Variants in POLE observed in about 807,000 individuals in gnomAD.
The protein encoded by POLE is DNA polymerase epsilon, catalytic subunit.
A neutral mutation model predicts 279.2 loss-of-function variants in POLE; 188 were observed. The observed-to-expected ratio is 0.67, with a 90% CI of 0.60 to 0.76. The LOEUF is 0.76. Among genes scored for constraint, POLE ranks in the 30% least tolerant of loss-of-function variants. POLE has a pLI of 0.00. For missense variants in POLE, 2,703 were observed against 3,016.7 expected (o/e 0.90, Z 2.44); for synonymous variants, 1,214 against 1,172.5 (o/e 1.04, Z -0.72).
Position 132,649,001 on chromosome 12 carries a change from C to T in POLE, c.4077G>A (p.Arg1359=), listed in dbSNP as rs1064796047. 1 of 1,614,044 alleles carries T rather than the reference C, an allele frequency of 6.2e-7. No individual in the cohort carries two copies. The highest frequency in any genetic ancestry group is 8.5e-7 in the Non-Finnish European group (1 of 1,180,022). Residue 1359 remains arginine, a synonymous_variant, in exon 32 of 49, where the codon AGG becomes AGA. Transcript: ENST00000320574. ...ALVGSDLHCI[R]LSIPRVFYVN... ...CGTAGAACACACGGGGGATGCTCAGCCTGATGCAGTGCAAGTCACTGCCAA... is the reference window on the plus strand; with the variant it reads ...CGTAGAACACACGGGGGATGCTCAGTCTGATGCAGTGCAAGTCACTGCCAA...
At chr12:132,636,865 G>A (rs565500148) in intron 41 of POLE, among the ~76,000 whole-genome samples, 1 of 152,356 alleles carries the variant, frequency 6.6e-6, no homozygotes, top group South Asian at 2.1e-4. Context: ...AGCCCACATC[G>A]CAGCTCCTGC....
intron 23 of POLE, 141 bp downstream of exon 23, chr12:132,663,863 G>C: frequency 2.6e-6 from 2 of 783,706 alleles, no homozygotes; most frequent in Non-Finnish European, 4.1e-6. Flanking sequence ...TCTGACCATG[G>C]TCTTCAGGCT....
Position 132,672,302 on chromosome 12 carries a change from G to A in POLE, c.1707C>T (p.Phe569=), listed in dbSNP as rs147438050. The A allele has an allele frequency of 6.2e-6, 10 of 1,614,050 alleles. No individual in the cohort carries two copies. Among genetic ancestry groups the A allele is most frequent in the African/African-American group, 1.3e-5 (1 of 74,938 alleles). ...AGGTCTTCTCAACCCGCTGCAGCAGGAAGTCAAAGGCGGCAGGATTCTAGC... is the reference window on the plus strand; with the variant it reads ...AGGTCTTCTCAACCCGCTGCAGCAGAAAGTCAAAGGCGGCAGGATTCTAGC... ...RFRMNPAAFD[F]LLQRVEKTLR... is the part of the protein sequence containing the mutation. The change falls in exon 16 of 49, where the codon TTC becomes TTT. Residue 569 remains phenylalanine (F), a synonymous_variant. Transcript: ENST00000320574.
intron 6 of POLE, among the ~76,000 whole-genome samples, chr12:132,678,722 C>T (rs2043108484): frequency 6.6e-6 from 1 of 152,228 alleles, no homozygotes. Context: ...CTTCACACAG[C>T]CTGTGCATGG....
In POLE at chr12:132,643,512, CCACA is replaced by C; in HGVS notation, c.4335_4338del (p.Cys1445TrpfsTer7). The C allele has an allele frequency of 6.2e-7, 1 of 1,614,008 alleles. No individual in the cohort carries two copies. The highest frequency in any genetic ancestry group is 8.5e-7 in the Non-Finnish European group (1 of 1,179,918). On this transcript the variant is annotated frameshift_variant, in exon 34 of 49. Coordinates refer to ENST00000320574, the MANE Select transcript of POLE (RefSeq NM_006231.4). LOFTEE classifies it high-confidence loss of function. ...AGGTGCCTCACCAGCTGTTTATTGA[CCACA>C]CACACACAGCCCAGGTGCACCAGGG...
At position 132,667,666 on chromosome 12, in the gene POLE, G is replaced by A. The variant is rs1482467153; in HGVS notation, c.2174-18C>T. The A allele has an allele frequency of 1.9e-6, 3 of 1,613,314 alleles. No individual in the cohort carries two copies. Among genetic ancestry groups the A allele is most frequent in the Non-Finnish European group, 2.5e-6 (3 of 1,179,750 alleles). On this transcript the variant is annotated intron_variant, in intron 19 of 48. Coordinates refer to ENST00000320574, the MANE Select transcript of POLE (RefSeq NM_006231.4). Reference sequence around the variant, plus strand: ...GCAGTAATCTAAGCACGACGGAGATGGGCAGAGCAGGTGGGTGAGATCTCC... The same window carrying A: ...GCAGTAATCTAAGCACGACGGAGATAGGCAGAGCAGGTGGGTGAGATCTCC...
chr12:132,626,034 G>A, intron 46 of POLE, 83 bp downstream of exon 46: 1 of 1,368,800 alleles, frequency 7.3e-7, no homozygotes, highest in Non-Finnish European at 1.0e-6. Flanking sequence ...CCACAGAGCT[G>A]GAGCTGCAGA....
intron 16 of POLE, among the ~76,000 whole-genome samples, chr12:132,669,995 C>T (rs778395403): frequency 1.2e-4 from 18 of 152,126 alleles, no homozygotes; most frequent in Non-Finnish European, 2.2e-4. Context: ...TCCTCACTCA[C>T]CAGGGAGCCT....
intron 37 of POLE, 27 bp from the exon 38 acceptor site, chr12:132,642,424 G>C (rs1349364060): frequency 2.5e-6 from 4 of 1,592,892 alleles, no homozygotes; most frequent in Middle Eastern, 1.7e-4. Context: ...GTCAGCACCG[G>C]GGCACATCGC....
In POLE at chr12:132,639,126, G is replaced by A. The variant is rs185498408; in HGVS notation, c.5551C>T (p.Gln1851Ter). The change falls in exon 40 of 49, where the codon CAG (glutamine) becomes TAG (stop). Residue 1851 changes from glutamine to a stop codon, truncating the protein, a stop_gained and splice_region_variant. Transcript: ENST00000320574. LOFTEE classifies it high-confidence loss of function. The surrounding 1 kb of genome is among the most constrained non-coding windows in gnomAD (Gnocchi z 4.7). Reference sequence around the variant, plus strand: ...AGCCCAGGGAGGAGGAGCACTCACTGCAGGAAGAGCTTCTTCATCATGTTG... The same window carrying A: ...AGCCCAGGGAGGAGGAGCACTCACTACAGGAAGAGCTTCTTCATCATGTTG... ...LHNMMKKLFL[Q>*]LIAEFKRLGS... 1 of 1,613,922 alleles carries A rather than the reference G, an allele frequency of 6.2e-7. No homozygotes were observed. Among genetic ancestry groups the A allele is most frequent in the East Asian group, 2.2e-5 (1 of 44,872 alleles).
Position 132,672,318 on chromosome 12 carries a change from G to A in POLE, c.1691C>T (p.Pro564Leu), listed in dbSNP as rs1307922680. ...SDIPCRFRMN[P>L]AAFDFLLQRV... ...CTGCAGCAGGAAGTCAAAGGCGGCA[G>A]GATTCTAGCACAACAGTGAGACGAC... is the stretch of plus-strand genomic sequence containing the variant. Residue 564 changes from proline to leucine, a missense_variant, in exon 16 of 49, where the codon CCT (proline) becomes CTT (leucine). By Grantham distance (98) the Pro-to-Leu change is moderately conservative. This residue lies in a region of POLE where 1,011 missense variants were observed against 1,111.7 expected (regional missense o/e 0.91). Coordinates refer to ENST00000320574, the MANE Select transcript of POLE (RefSeq NM_006231.4). The A allele has an allele frequency of 1.9e-6, 3 of 1,613,584 alleles. No individual in the cohort carries two copies. In the East Asian group the frequency reaches 6.7e-5, roughly 36 times the overall value.
At chr12:132,646,630 G>A (rs971497820) in intron 32 of POLE, among the ~76,000 whole-genome samples, 10 of 151,704 alleles carry the variant, frequency 6.6e-5, no homozygotes, top group Admixed American at 2.0e-4. Flanking sequence ...TCAGGAGTTC[G>A]AGACCAGCCT....
chr12:132,628,546 T>C (rs1441411023), intron 45 of POLE, among the ~76,000 whole-genome samples: 1 of 151,444 alleles, frequency 6.6e-6, no homozygotes, highest in African/African-American at 2.4e-5. Flanking sequence ...GGGAGGCTGA[T>C]GTAGGAAAAT....
At position 132,636,006 on chromosome 12, in the gene POLE, G is replaced by A. The variant is rs751997713; in HGVS notation, c.5697C>T (p.Thr1899=). The change falls in exon 42 of 49, where the codon ACC becomes ACT. Residue 1899 remains threonine, a synonymous_variant. Coordinates refer to ENST00000320574, the MANE Select transcript of POLE (RefSeq NM_006231.4). ...AGAAAGAAATTGTCAGAGAATGGAA[G>A]GTCTCCTTTGAATGGATGCTGCAGA... ...YITSSIHSKE[T]FHSLTISFSR... 1.9e-6 allele frequency: 3 copies of A among 1,613,746 alleles called. No individual in the cohort carries two copies. In the Admixed American group the frequency reaches 5.0e-5, roughly 27 times the overall value.
intron 2 of POLE, 88 bp downstream of exon 2, chr12:132,681,050 T>A: frequency 6.8e-7 from 1 of 1,474,172 alleles, no homozygotes; most frequent in Non-Finnish European, 9.3e-7. Flanking sequence ...AGTTCCCTCA[T>A]GTGTCCCCCA....
chr12:132,649,265 T>C (rs1289496447), intron 31 of POLE, 41 bp downstream of exon 31: 1 of 1,593,226 alleles, frequency 6.3e-7, no homozygotes, highest in Non-Finnish European at 8.6e-7. Context: ...CCCTGGGCCA[T>C]CAGCAGAGCC....
At chr12:132,673,438 G>A in intron 13 of POLE, 137 bp downstream of exon 13, 1 of 1,313,650 alleles carries the variant, frequency 7.6e-7, no homozygotes, top group Admixed American at 1.8e-5. Context: ...CAGCCTGCTG[G>A]GTGGAGCGGG....
rs1276309198 is a variant in POLE, at chr12:132,672,773, T to C, written c.1540A>G (p.Ile514Val). The C allele has an allele frequency of 6.2e-7, 1 of 1,614,178 alleles. No individual in the cohort carries two copies. The highest frequency in any genetic ancestry group is 2.2e-5 in the East Asian group (1 of 44,890). The stretch of plus-strand genomic sequence containing the variant: ...TGCTCTTGCTTGTTGGGGAAGATGA[T>C]GTTGGCGTGGAAGGCCTGCACCATC... ...LLMVQAFHAN[I>V]IFPNKQEQEF... is the part of the protein sequence containing the mutation. The change falls in exon 15 of 49, where the codon ATC becomes GTC. Residue 514 changes from isoleucine (I) to valine (V), a missense_variant. This residue lies in a region of POLE where 1,011 missense variants were observed against 1,111.7 expected (regional missense o/e 0.91). Transcript: ENST00000320574.
At position 132,638,190 on chromosome 12, in the gene POLE, C is replaced by G. The variant is rs1005510820; in HGVS notation, c.5553-51G>C. The G allele has an allele frequency of 1.9e-6, 3 of 1,559,526 alleles. No homozygotes were observed. The African/African-American group carries it at 4.1e-5, about 21-fold the overall frequency. On this transcript the variant is annotated intron_variant, in intron 40 of 48. Coordinates refer to ENST00000320574, the MANE Select transcript of POLE (RefSeq NM_006231.4). ...GTGGAGACGCCACAGTCATGGAGAG[C>G]CAGAGGGCACCCAGAAAATCCAAGA...
Sources: allele counts gnomAD v4.1 joint callset (sites outside exome capture counted in the v4.1 genomes callset), GRCh38; gene constraint gnomAD v4.1.1; regional missense constraint gnomAD v4.1.1; non-coding constraint Gnocchi (gnomAD v3.1); transcripts MANE v1.5; gene names NCBI Gene and HGNC (gene_info 2026-07-23, HGNC 2026-07-21).